The following ADAMTSL1 variants were observed in gnomAD, a reference collection of about 807,000 sequenced individuals.
The protein encoded by ADAMTSL1 is ADAMTS like 1, also known as ADAMTS-like protein 1.
ADAMTSL1 carries 126 observed loss-of-function variants against 201.8 expected under a neutral mutation model. That is an observed-to-expected ratio of 0.62 (90% CI 0.54 to 0.72). ADAMTSL1 has a LOEUF of 0.72. Ranked by LOEUF, ADAMTSL1 falls within the 30% of genes least tolerant of loss-of-function variation. The pLI, the probability that ADAMTSL1 is intolerant of heterozygous loss-of-function variation, is 0.00. For missense variants in ADAMTSL1, 2,679 were observed against 2,277.8 expected (o/e 1.18, Z -3.59); for synonymous variants, 1,121 against 903.4 (o/e 1.24, Z -4.32).
intron 15 of ADAMTSL1, among the ~76,000 whole-genome samples, chr9:18,722,394 G>A (rs1460619899): frequency 6.6e-6 from 1 of 152,152 alleles, no homozygotes; most frequent in African/African-American, 2.4e-5. Context: ...ATCTGCTGAT[G>A]GAATGAAGAA....
rs201965139 is a variant in ADAMTSL1, at chr9:18,776,933, C to G, written c.2704C>G (p.Arg902Gly). ...KTAVVLRCPA[R>G]RVRKPLITWE... ...GGCGGTGGTGCTGCGCTGCCCGGCGCGCAGGGTCCGCAAGCCCCTCATCAC... is the reference window on the plus strand; with the variant it reads ...GGCGGTGGTGCTGCGCTGCCCGGCGGGCAGGGTCCGCAAGCCCCTCATCAC... Residue 902 changes from arginine to glycine, a missense_variant, in exon 19 of 29, where the codon CGC becomes GGC. Transcript: ENST00000380548. 6.2e-7 allele frequency: 1 copy of G among 1,601,772 alleles called. No individual in the cohort carries two copies. Among genetic ancestry groups the G allele is most frequent in the South Asian group, 1.1e-5 (1 of 89,038 alleles).
At chr9:17,956,435 C>T (rs577876087) in intron 1 of ADAMTSL1, among the ~76,000 whole-genome samples, 53 of 152,216 alleles carry the variant, frequency 3.5e-4, no homozygotes, top group African/African-American at 9.6e-4. Context: ...TGACATGTAA[C>T]GATTAGAAAT....
At chr9:17,978,654 A>G (rs1268176521) in intron 1 of ADAMTSL1, among the ~76,000 whole-genome samples, 1 of 152,162 alleles carries the variant, frequency 6.6e-6, no homozygotes. Context: ...AAATTATTGT[A>G]ACTATAAATG....
chr9:18,650,540 C>A (rs903887948), intron 7 of ADAMTSL1, among the ~76,000 whole-genome samples: 1 of 152,076 alleles, frequency 6.6e-6, no homozygotes, highest in African/African-American at 2.4e-5. Flanking sequence ...CTTGGCTCCT[C>A]CCTCCTCCAT....
chr9:18,141,648 G>C (rs1826402852), intron 1 of ADAMTSL1, among the ~76,000 whole-genome samples: 1 of 152,120 alleles, frequency 6.6e-6, no homozygotes. Flanking sequence ...CTTTGTGGCA[G>C]CCCCTCTCTC....
intron 1 of ADAMTSL1, among the ~76,000 whole-genome samples, chr9:17,928,565 T>C (rs1415251742): frequency 6.6e-6 from 1 of 152,152 alleles, no homozygotes; most frequent in East Asian, 1.9e-4. Context: ...GGGGACAATA[T>C]GTTGCTAGGA....
chr9:18,615,664 T>C (rs1268899344), intron 4 of ADAMTSL1, among the ~76,000 whole-genome samples: 1 of 152,204 alleles, frequency 6.6e-6, no homozygotes, highest in African/African-American at 2.4e-5. Context: ...TAATCTGAAC[T>C]TGAAATCATT....
At chr9:18,251,252 A>C (rs1831454282) in intron 2 of ADAMTSL1, among the ~76,000 whole-genome samples, 1 of 152,206 alleles carries the variant, frequency 6.6e-6, no homozygotes, top group African/African-American at 2.4e-5. Flanking sequence ...GCATGCACTC[A>C]TAAGAGTTCT....
intron 2 of ADAMTSL1, among the ~76,000 whole-genome samples, chr9:18,219,173 G>C (rs2132349695): frequency 6.6e-6 from 1 of 151,568 alleles, no homozygotes; most frequent in South Asian, 2.1e-4. Flanking sequence ...TTTCAAACTT[G>C]TCTGATTTTT....
At chr9:18,212,623 C>G (rs1180174462) in intron 2 of ADAMTSL1, among the ~76,000 whole-genome samples, 2 of 152,056 alleles carry the variant, frequency 1.3e-5, no homozygotes, top group African/African-American at 2.4e-5. Context: ...AATTGCAAAT[C>G]CATATGCAAA....
chr9:18,567,643 C>A (rs143606856), intron 3 of ADAMTSL1, among the ~76,000 whole-genome samples: 11 of 152,090 alleles, frequency 7.2e-5, no homozygotes, highest in African/African-American at 2.2e-4. Flanking sequence ...GTAGTCCCCC[C>A]CTTATTCTCA....
At chr9:18,517,225 T>C (rs1046160668) in intron 2 of ADAMTSL1, among the ~76,000 whole-genome samples, 1 of 152,114 alleles carries the variant, frequency 6.6e-6, no homozygotes, top group African/African-American at 2.4e-5. Flanking sequence ...TAGTGGATCT[T>C]AAGCCAAAGG....
rs550598465 is a variant in ADAMTSL1 at position 18,300,487 on chromosome 9, G to A, written c.207+136506G>A. On this transcript the variant is annotated intron_variant, in intron 2 of 29. Coordinates refer to the ADAMTSL1 transcript ENST00000680146. ...GGGGAGGGGGGCTGGGGGAGGGATA[G>A]CATTAGGAGAAATACCTAATGTAAA... Among the ~76,000 whole-genome samples, 110 of 152,258 alleles carry A rather than the reference G, an allele frequency of 7.2e-4. No individual in the cohort carries two copies. The South Asian group carries it at 0.021, about 29-fold the overall frequency.
At chr9:18,282,008 A>T (rs1371742461) in intron 2 of ADAMTSL1, among the ~76,000 whole-genome samples, 1 of 152,082 alleles carries the variant, frequency 6.6e-6, no homozygotes, top group Non-Finnish European at 1.5e-5. Context: ...CATTTTCCTC[A>T]CCTGGGTATA....
chr9:18,760,843 C>G (rs905681398), intron 16 of ADAMTSL1, among the ~76,000 whole-genome samples: 2 of 152,228 alleles, frequency 1.3e-5, no homozygotes, highest in African/African-American at 4.8e-5. Context: ...TCCTCATCTC[C>G]CTGGAAACTG....
intron 15 of ADAMTSL1, among the ~76,000 whole-genome samples, chr9:18,750,908 C>A (rs1819434836): frequency 6.6e-6 from 1 of 152,224 alleles, no homozygotes; most frequent in African/African-American, 2.4e-5. Flanking sequence ...ACGAACTTTC[C>A]TTAAGACTCT....
At chr9:18,094,262 C>G (rs1274799422) in intron 1 of ADAMTSL1, among the ~76,000 whole-genome samples, 1 of 152,198 alleles carries the variant, frequency 6.6e-6, no homozygotes, top group Non-Finnish European at 1.5e-5. Flanking sequence ...GAGAAGAAAC[C>G]TTTCTGCAGC....
chr9:18,293,372 T>C (rs1320481359), intron 2 of ADAMTSL1, among the ~76,000 whole-genome samples: 2 of 152,230 alleles, frequency 1.3e-5, no homozygotes. Context: ...CCATGTAGTT[T>C]GGTGACTTCT....
intron 7 of ADAMTSL1, among the ~76,000 whole-genome samples, chr9:18,649,212 T>C (rs968269834): frequency 6.6e-5 from 10 of 152,254 alleles, no homozygotes; most frequent in East Asian, 1.9e-4. Flanking sequence ...CTCCACGTAG[T>C]TCTCGCGCCT....
Sources: allele counts gnomAD v4.1 joint callset (sites outside exome capture counted in the v4.1 genomes callset), GRCh38; gene constraint gnomAD v4.1.1; transcripts MANE v1.5; gene names NCBI Gene and HGNC (gene_info 2026-07-23, HGNC 2026-07-21).